The following FRMD3 variants were observed in gnomAD, a reference collection of about 807,000 sequenced individuals.
The protein encoded by FRMD3 is FERM domain-containing protein 3.
In FRMD3, 33 loss-of-function variants were observed where a neutral mutation model predicts 70.2. The ratio of observed to expected loss-of-function variants is 0.47; its 90% CI spans 0.36 to 0.63. The LOEUF is 0.63. Ranked by LOEUF, FRMD3 falls within the 20% of genes least tolerant of loss-of-function variation. The probability of loss-of-function intolerance (pLI) is 0.00; values close to 1 mark genes in which losing one functional copy is unlikely to be tolerated. For missense variants in FRMD3, 632 were observed against 711.4 expected (o/e 0.89, Z 1.27); for synonymous variants, 279 against 255.9 (o/e 1.09, Z -0.86).
At chr9:83,363,203 G>C (rs1824666257) in intron 3 of FRMD3, among the ~76,000 whole-genome samples, 1 of 152,098 alleles carries the variant, frequency 6.6e-6, no homozygotes, top group South Asian at 2.1e-4. Flanking sequence ...GGTAACCACA[G>C]TTAAGTATAC....
At chr9:83,394,402 C>G (rs1825756770) in intron 1 of FRMD3, among the ~76,000 whole-genome samples, 1 of 151,990 alleles carries the variant, frequency 6.6e-6, no homozygotes, top group Non-Finnish European at 1.5e-5. Flanking sequence ...GTGGGCTAAC[C>G]CTTTTGAGAG....
At chr9:83,375,357 A>G (rs7037795) in intron 2 of FRMD3, among the ~76,000 whole-genome samples, 107,664 of 152,214 alleles carry the variant, frequency 0.71, 38,336 homozygotes, top group Admixed American at 0.73. Flanking sequence ...ATCAGTTTCT[A>G]TCATCCTTTT....
intron 1 of FRMD3, among the ~76,000 whole-genome samples, chr9:83,474,413 T>C (rs10120060): frequency 0.76 from 116,284 of 152,086 alleles, 44,784 homozygotes; most frequent in African/African-American, 0.86. Context: ...GTCAAGTTTC[T>C]TCCTCAGAAT....
intron 6 of FRMD3, among the ~76,000 whole-genome samples, chr9:83,318,686 A>T (rs1587719025): frequency 6.6e-6 from 1 of 152,272 alleles, no homozygotes; most frequent in African/African-American, 2.4e-5. Context: ...TGCTGGATCA[A>T]ATAGTAGTTC....
chr9:83,556,009 G>A, the FRMD3 span, among the ~76,000 whole-genome samples: 94 of 152,186 alleles, frequency 6.2e-4, no homozygotes, highest in African/African-American at 2.2e-3. Context: ...ATTCTCTGTG[G>A]GTCAAACTGT....
intron 6 of FRMD3, among the ~76,000 whole-genome samples, chr9:83,333,722 A>G (rs772276196): frequency 1.3e-5 from 2 of 152,082 alleles, no homozygotes; most frequent in Non-Finnish European, 2.9e-5. Context: ...ACCGTGAAAC[A>G]CCTACCCGAC....
At chr9:83,343,917 G>C (rs1183099691) in intron 4 of FRMD3, among the ~76,000 whole-genome samples, 3 of 152,212 alleles carry the variant, frequency 2.0e-5, no homozygotes, top group African/African-American at 7.2e-5. Context: ...CACCTGTGCT[G>C]GTGCAAGAAG....
intron 1 of FRMD3, among the ~76,000 whole-genome samples, chr9:83,410,603 T>C (rs1240784949): frequency 6.6e-6 from 1 of 152,234 alleles, no homozygotes; most frequent in Non-Finnish European, 1.5e-5. Context: ...AGTGCTGTGA[T>C]GAACATACAA....
the FRMD3 span, among the ~76,000 whole-genome samples, chr9:83,583,283 A>T: frequency 2.0e-5 from 3 of 152,222 alleles, no homozygotes; most frequent in Non-Finnish European, 1.5e-5. Context: ...TGTTAAGAAC[A>T]TCTCGCTACT....
the FRMD3 span, among the ~76,000 whole-genome samples, chr9:83,574,781 G>C: frequency 6.6e-6 from 1 of 152,070 alleles, no homozygotes; most frequent in African/African-American, 2.4e-5. Context: ...CCTAGAAAAA[G>C]GGGTATCAGG....
chr9:83,416,749 C>CTG (rs1336569754), intron 1 of FRMD3, among the ~76,000 whole-genome samples: 10 of 96,124 alleles, frequency 1.0e-4, no homozygotes, highest in African/African-American at 4.6e-4. Flanking sequence ...CTCTCTGTCT[C>CTG]TCTCTCTCTC....
rs146985766 is a variant in FRMD3 at position 83,322,935 on chromosome 9, T to G, written c.597-9188A>C. On this transcript the variant is annotated intron_variant, in intron 6 of 13. Coordinates refer to ENST00000304195, the MANE Select transcript of FRMD3 (RefSeq NM_174938.6). ...TGAAGGAGGCACATACTCCTATATC[T>G]AGTCAGCTATGTTCTATGCTATCAG... is the stretch of plus-strand genomic sequence containing the variant. Among the ~76,000 whole-genome samples, 62 of 152,334 alleles carry G rather than the reference T, an allele frequency of 4.1e-4. No homozygotes were observed. The East Asian group carries it at 0.01, about 25-fold the overall frequency.
At chr9:83,426,963 A>G (rs1302516453) in intron 1 of FRMD3, among the ~76,000 whole-genome samples, 1 of 152,214 alleles carries the variant, frequency 6.6e-6, no homozygotes, top group Admixed American at 6.5e-5. Flanking sequence ...AACCAAACAA[A>G]CTTATTTCCC....
chr9:83,309,756 AT>A, intron 9 of FRMD3, 132 bp from the exon 10 acceptor site: 1 of 578,020 alleles, frequency 1.7e-6, no homozygotes, highest in Non-Finnish European at 3.1e-6. Flanking sequence ...AACTTAACAT[AT>A]TGCTATGTTA....
intron 5 of FRMD3, among the ~76,000 whole-genome samples, chr9:83,341,778 G>A (rs1408732180): frequency 2.0e-5 from 3 of 152,018 alleles, no homozygotes; most frequent in Non-Finnish European, 4.4e-5. Flanking sequence ...CAGGGAAGGG[G>A]GTGAAGAACA....
intron 2 of FRMD3, among the ~76,000 whole-genome samples, chr9:83,376,190 C>A (rs1358652036): frequency 4.6e-5 from 5 of 108,936 alleles, no homozygotes; most frequent in Admixed American, 8.6e-5. Flanking sequence ...AAAAAAAAAA[C>A]CACCTGACAG....
intron 13 of FRMD3, among the ~76,000 whole-genome samples, chr9:83,290,359 G>C (rs1834370058): frequency 6.6e-6 from 1 of 151,904 alleles, no homozygotes; most frequent in South Asian, 2.1e-4. Flanking sequence ...AACACCATTA[G>C]TCTTTTCATA....
chr9:83,353,552 AAATG>A (rs1321685845), intron 3 of FRMD3, among the ~76,000 whole-genome samples: 4 of 152,202 alleles, frequency 2.6e-5, no homozygotes, highest in African/African-American at 9.6e-5. Context: ...GTGTGTGGAT[AAATG>A]AATTTGTGAA....
chr9:83,503,261 C>T (rs963451689), intron 1 of FRMD3, among the ~76,000 whole-genome samples: 2 of 152,028 alleles, frequency 1.3e-5, no homozygotes. Flanking sequence ...GGTCATATAC[C>T]CTATAGTCCT....
Sources: allele counts gnomAD v4.1 joint callset (sites outside exome capture counted in the v4.1 genomes callset), GRCh38; gene constraint gnomAD v4.1.1; transcripts MANE v1.5; gene names NCBI Gene and HGNC (gene_info 2026-07-23, HGNC 2026-07-21).